ACBD5: variants seen among roughly 807,000 people sequenced by gnomAD.
ACBD5 encodes the protein acyl-CoA binding domain containing 5.
ACBD5 carries 40 observed loss-of-function variants against 71.8 expected under a neutral mutation model. That is an observed-to-expected ratio of 0.56 (90% CI 0.43 to 0.72). The LOEUF (loss-of-function observed/expected upper bound fraction) is 0.72. Ranked by LOEUF, ACBD5 falls within the 30% of genes least tolerant of loss-of-function variation. The probability of loss-of-function intolerance (pLI) is 0.00; values close to 1 mark genes in which losing one functional copy is unlikely to be tolerated. For synonymous variants in ACBD5, 229 were observed against 218.6 expected (o/e 1.05, Z -0.42); for missense variants, 559 against 644.5 (o/e 0.87, Z 1.44).
In ACBD5 at chr10:27,222,114, C is replaced by T. The variant is rs4747594; in HGVS notation, c.490+1224G>A. Among the ~76,000 whole-genome samples the T allele has an allele frequency of 4.6e-5, 7 of 151,760 alleles. No individual in the cohort carries two copies. The East Asian group carries it at 5.8e-4, about 13-fold the overall frequency. ...CGTGGTTTATGACCGTGACAAGGACCGATTTCAGCACAGGAAGATTACTAT... is the reference window on the plus strand; with the variant it reads ...CGTGGTTTATGACCGTGACAAGGACTGATTTCAGCACAGGAAGATTACTAT... On this transcript the variant is annotated intron_variant, in intron 5 of 12. Transcript: ENST00000396271.
intron 4 of ACBD5, among the ~76,000 whole-genome samples, chr10:27,226,798 T>C (rs1411539300): frequency 6.6e-6 from 1 of 151,790 alleles, no homozygotes; most frequent in African/African-American, 2.4e-5. Flanking sequence ...ACTATAGGCA[T>C]GCACCACCAT....
chr10:27,209,585 A>T (rs1011733914), intron 9 of ACBD5, among the ~76,000 whole-genome samples: 1 of 152,144 alleles, frequency 6.6e-6, no homozygotes, highest in Non-Finnish European at 1.5e-5. Flanking sequence ...GGCCTCCCAA[A>T]GTGCTGGGAT....
intron 3 of ACBD5, among the ~76,000 whole-genome samples, chr10:27,233,332 C>T (rs1157843488): frequency 1.3e-5 from 2 of 151,260 alleles, no homozygotes; most frequent in African/African-American, 2.4e-5. Flanking sequence ...GAGGCTGAGG[C>T]AGGAGAATTG....
Position 27,196,327 on chromosome 10 carries a change from CT to C in ACBD5, c.*1102del, listed in dbSNP as rs1564536126. The C allele has an allele frequency of 2.2e-6, 1 of 453,968 alleles. No homozygotes were observed. Among genetic ancestry groups the C allele is most frequent in the Non-Finnish European group, 4.4e-6 (1 of 226,788 alleles). The allele number at this position is 453,968 out of a possible 1,614,324, so 28.1% of individuals were successfully genotyped here. ...CTCCAAGGATCTAAATTGTAGTCTTCTTTTTGGTCTAGATGAGAGAGGTGGG... is the reference window on the plus strand; with the variant it reads ...CTCCAAGGATCTAAATTGTAGTCTTCTTTTGGTCTAGATGAGAGAGGTGGG... On this transcript the variant is annotated 3_prime_UTR_variant, in exon 13 of 13. Transcript: ENST00000396271.
At position 27,197,008 on chromosome 10, in the gene ACBD5, A is replaced by G. The variant is rs966680513; in HGVS notation, c.*422T>C. 1 of 447,664 alleles carries G rather than the reference A, an allele frequency of 2.2e-6. No individual in the cohort carries two copies. Among genetic ancestry groups the G allele is most frequent in the African/African-American group, 2.0e-5 (1 of 49,928 alleles). The allele number at this position is 447,664 out of a possible 1,614,324, so 27.7% of individuals were successfully genotyped here. A position where few individuals can be genotyped will look rare whatever the true frequency, so the allele number is the denominator to read the frequency against. ...CATTTGAAATTCACTCCTGGTTTGC[A>G]TTCTTTCTTTTATTTAATTTAGAAA... On this transcript the variant is annotated 3_prime_UTR_variant, in exon 13 of 13. Transcript: ENST00000396271.
In ACBD5 at chr10:27,223,149, G is replaced by T; in HGVS notation, c.490+189C>A. 5.6e-6 allele frequency: 4 copies of T among 713,936 alleles called. No individual in the cohort carries two copies. The South Asian group carries it at 6.0e-5, about 11-fold the overall frequency. The allele number at this position is 713,936 out of a possible 1,614,324, so 44.2% of individuals were successfully genotyped here. A position where few individuals can be genotyped will look rare whatever the true frequency, so the allele number is the denominator to read the frequency against. On this transcript the variant is annotated intron_variant, in intron 5 of 12. Transcript: ENST00000396271. ...ATTGTAAGTTCTGTAAGTTTGTGCA[G>T]AATTCTTTTGACATGTAAATTTTAA...
At position 27,235,111 on chromosome 10, in the gene ACBD5, G is replaced by A; in HGVS notation, c.283C>T (p.Pro95Ser). The A allele has an allele frequency of 6.2e-7, 1 of 1,613,822 alleles. No individual in the cohort carries two copies. Residue 95 changes from proline to serine, a missense_variant, in exon 3 of 13, where the codon CCT (proline) becomes TCT (serine). By Grantham distance (74) the Pro-to-Ser change is moderately conservative. Transcript: ENST00000396271. ...CKLSRPGFWD[P>S]IGRYKWDAWS... ...AATTACCATTTATATCTTCCAATAG[G>A]ATCCCAAAATCCAGGCCTTGAAAGT...
At chr10:27,186,604 A>G in intron 13 of ACBD5, 1 of 1,304,092 alleles carries the variant, frequency 7.7e-7, no homozygotes, top group Non-Finnish European at 1.1e-6. Context: ...ATACTCCTTA[A>G]TACTAGATTG....
In ACBD5 at chr10:27,237,741, C is replaced by T. The variant is rs139601060; in HGVS notation, c.182-2529G>A. Among the ~76,000 whole-genome samples the T allele has an allele frequency of 9.2e-3, 1,391 of 151,190 alleles. 21 individuals are homozygous for T. The highest frequency in any genetic ancestry group is 0.032 in the African/African-American group (1,321 of 41,220). On this transcript the variant is annotated intron_variant, in intron 2 of 12. Transcript: ENST00000396271. ...GTTCAAGCGATTTTCCTGCCTCAAC[C>T]TCCCGAGTAGCTGGGATTACAGGAA...
intron 13 of ACBD5, among the ~76,000 whole-genome samples, chr10:27,185,124 A>T (rs970771312): frequency 5.3e-5 from 8 of 152,174 alleles, no homozygotes; most frequent in African/African-American, 1.9e-4. Context: ...AAGGATAAGG[A>T]TGGAGCACAG....
intron 4 of ACBD5, among the ~76,000 whole-genome samples, chr10:27,226,757 T>C (rs624079): frequency 0.012 from 1,848 of 151,898 alleles, 20 homozygotes; most frequent in Non-Finnish European, 0.021. Flanking sequence ...GTTCAAGCAA[T>C]TCTCCTACAT....
At chr10:27,189,242 T>C (rs1417716060) in intron 13 of ACBD5, among the ~76,000 whole-genome samples, 1 of 152,244 alleles carries the variant, frequency 6.6e-6, no homozygotes, top group Non-Finnish European at 1.5e-5. Context: ...TTGGCCAGGC[T>C]GGTCTCAAAC....
At chr10:27,241,915 T>G (rs1589449337), upstream of ACBD5, 4 of 378,690 alleles carry the variant, frequency 1.1e-5, no homozygotes, top group East Asian at 1.7e-4. Flanking sequence ...GGGGGTGGAG[T>G]CCTGTAGCCC....
rs1030363731 is a variant in ACBD5, at chr10:27,240,550, G to A, written c.16-66C>T. On this transcript the variant is annotated intron_variant, in intron 1 of 12. Coordinates refer to ENST00000396271, the MANE Select transcript of ACBD5 (RefSeq NM_145698.5). The surrounding 1 kb of genome is among the most constrained non-coding windows in gnomAD (Gnocchi z 4.1). ...AGGAGGAGGCCCGGGAGCGAAGCGG[G>A]TCAGTTCCCCTTTGCCCTGCCCTAT... 19 of 1,551,024 alleles carry A rather than the reference G, an allele frequency of 1.2e-5. No homozygotes were observed. The highest frequency in any genetic ancestry group is 7.8e-5 in the Admixed American group (4 of 50,986).
intron 12 of ACBD5, among the ~76,000 whole-genome samples, chr10:27,198,776 C>T (rs895421978): frequency 4.6e-5 from 7 of 152,084 alleles, no homozygotes; most frequent in African/African-American, 7.2e-5. Flanking sequence ...TAAGAATCTG[C>T]GGGATGCAGA....
downstream of ACBD5, among the ~76,000 whole-genome samples, chr10:27,191,743 G>C (rs146644763): frequency 6.6e-6 from 1 of 152,092 alleles, no homozygotes; most frequent in Non-Finnish European, 1.5e-5. Flanking sequence ...AAATTAGCTG[G>C]GTGTGTGGTG....
intron 5 of ACBD5, among the ~76,000 whole-genome samples, chr10:27,221,917 CAAAAAAAA>C (rs56253187): frequency 2.5e-4 from 19 of 77,126 alleles, no homozygotes; most frequent in African/African-American, 8.5e-4. Flanking sequence ...GACTCCATCT[CAAAAAAAA>C]AAAAAAAAAA....
chr10:27,188,125 T>G (rs2058884466), intron 13 of ACBD5, among the ~76,000 whole-genome samples: 1 of 152,206 alleles, frequency 6.6e-6, no homozygotes, highest in African/African-American at 2.4e-5. Flanking sequence ...ATGGTTACAG[T>G]GAAAGATACA....
At chr10:27,235,581 C>G (rs1396833597) in intron 2 of ACBD5, among the ~76,000 whole-genome samples, 2 of 152,094 alleles carry the variant, frequency 1.3e-5, no homozygotes, top group Non-Finnish European at 2.9e-5. Flanking sequence ...AAGCTTATGA[C>G]AAATCAAAAC....
Sources: gnomAD v4.1 joint callset for allele counts (sites outside exome capture counted in the v4.1 genomes callset) on GRCh38, gnomAD v4.1.1 for gene constraint, Gnocchi (gnomAD v3.1) non-coding constraint, MANE v1.5 for transcripts, NCBI Gene and HGNC (gene_info 2026-07-23, HGNC 2026-07-21) for gene names.